Variants in RABGEF1 observed in about 807,000 individuals in gnomAD.
The protein encoded by RABGEF1 is RAB guanine nucleotide exchange factor 1.
RABGEF1 carries 26 observed loss-of-function variants against 57.3 expected under a neutral mutation model. The observed-to-expected ratio is 0.45, with a 90% CI of 0.33 to 0.63. The LOEUF is 0.63. Among genes scored for constraint, RABGEF1 ranks in the 20% least tolerant of loss-of-function variants. The probability of loss-of-function intolerance (pLI) is 0.02; values close to 1 mark genes in which losing one functional copy is unlikely to be tolerated. For synonymous variants in RABGEF1, 185 were observed against 210.7 expected, an observed-to-expected ratio of 0.88 and a Z score of 1.06; for missense variants, 464 against 607.6, an observed-to-expected ratio of 0.76 and a Z score of 2.48.
At chr7:66,742,813 C>T (rs938085090) in intron 1 of RABGEF1, among the ~76,000 whole-genome samples, 2 of 152,122 alleles carry the variant, frequency 1.3e-5, no homozygotes, top group African/African-American at 2.4e-5. Flanking sequence ...TGCTGTGTTG[C>T]CCTGGCTGAT....
intron 7 of RABGEF1, among the ~76,000 whole-genome samples, chr7:66,800,180 T>C (rs1786964211): frequency 6.6e-6 from 1 of 152,230 alleles, no homozygotes; most frequent in African/African-American, 2.4e-5. Flanking sequence ...TGTTGGAGGC[T>C]GGCCATCGAG....
rs1789321490 is a variant in RABGEF1, at chr7:66,810,608, T to G, written c.*1324T>G. The G allele has an allele frequency of 6.6e-6, 1 of 152,228 alleles. No individual in the cohort carries two copies. Among genetic ancestry groups the G allele is most frequent in the African/African-American group, 2.4e-5 (1 of 41,468 alleles). The allele number at this position is 152,228 out of a possible 1,614,324, so 9.4% of individuals were successfully genotyped here. A position where few individuals can be genotyped will look rare whatever the true frequency, so the allele number is the denominator to read the frequency against. ...TGACAGCTACCTGCATTGTAGAACC[T>G]TTTCTTATCTCAGTGGAACCTTCTA... On this transcript the variant is annotated 3_prime_UTR_variant, in exon 9 of 9. Coordinates refer to ENST00000284957, the MANE Select transcript of RABGEF1 (RefSeq NM_014504.3).
Position 66,809,289 on chromosome 7 carries a change from A to G in RABGEF1, c.*5A>G. On this transcript the variant is annotated 3_prime_UTR_variant, in exon 9 of 9. Coordinates refer to ENST00000284957, the MANE Select transcript of RABGEF1 (RefSeq NM_014504.3). ...CCTCAAGTTTATGCAGGATGATCAC[A>G]ATTTAGTGGAGAGTATTTATTTGAG... The G allele has an allele frequency of 6.3e-7, 1 of 1,598,586 alleles. No individual in the cohort carries two copies. The highest frequency in any genetic ancestry group is 8.5e-7 in the Non-Finnish European group (1 of 1,170,230).
At chr7:66,755,978 G>GC (rs2129071198) in intron 1 of RABGEF1, 1 of 1,088,458 alleles carries the variant, frequency 9.2e-7, no homozygotes, top group East Asian at 2.7e-5. Context: ...CATTTTGGAA[G>GC]CATTATATTT....
chr7:66,698,748 G>C (rs879444238), intron 1 of RABGEF1, among the ~76,000 whole-genome samples: 4 of 152,176 alleles, frequency 2.6e-5, no homozygotes, highest in African/African-American at 7.2e-5. Flanking sequence ...CTGAGTCTCA[G>C]TGTGGGTGGG....
chr7:66,715,587 T>C (rs1039991616), intron 2 of RABGEF1, among the ~76,000 whole-genome samples: 1 of 152,240 alleles, frequency 6.6e-6, no homozygotes, highest in Non-Finnish European at 1.5e-5. Flanking sequence ...TGTAGAAGTA[T>C]GTAGTTAATT....
intron 1 of RABGEF1, among the ~76,000 whole-genome samples, chr7:66,705,921 A>T (rs1160659977): frequency 1.0e-5 from 1 of 99,880 alleles, no homozygotes; most frequent in Non-Finnish European, 1.8e-5. Context: ...TTTGAGACGG[A>T]GTCTCGCTTT....
chr7:66,774,145 T>G (rs1052296736), intron 2 of RABGEF1, among the ~76,000 whole-genome samples: 6 of 152,262 alleles, frequency 3.9e-5, no homozygotes. Context: ...TTGATTTCTC[T>G]TTTATCTCCC....
At chr7:66,739,409 C>T (rs1420887141), upstream of RABGEF1, among the ~76,000 whole-genome samples, 1 of 151,052 alleles carries the variant, frequency 6.6e-6, no homozygotes, top group East Asian at 2.0e-4. Context: ...AATCCTAGCA[C>T]TTTGGGAAGC....
intron 1 of RABGEF1, 65 bp from the exon 2 acceptor site, chr7:66,771,818 A>G: frequency 8.2e-7 from 1 of 1,218,904 alleles, no homozygotes; most frequent in Non-Finnish European, 1.1e-6. Flanking sequence ...TTTTGTTCAT[A>G]ATTGGTAAGA....
chr7:66,686,472 C>T (rs923808345), intron 1 of RABGEF1, among the ~76,000 whole-genome samples: 65 of 152,186 alleles, frequency 4.3e-4, no homozygotes, highest in African/African-American at 1.4e-3. Flanking sequence ...ACCCTGTCTC[C>T]ATAAAAAGAA....
chr7:66,680,804 G>T (rs1306409105), upstream of RABGEF1, among the ~76,000 whole-genome samples: 1 of 152,040 alleles, frequency 6.6e-6, no homozygotes. Context: ...AAAATTAGCC[G>T]GGTGCGGAGG....
the RABGEF1 span, among the ~76,000 whole-genome samples, chr7:66,670,827 T>C: frequency 7.9e-5 from 12 of 151,896 alleles, no homozygotes; most frequent in African/African-American, 2.9e-4. Context: ...GCCTGGGTGA[T>C]AGAGCAAGAT....
chr7:66,754,192 C>T (rs80289808), intron 1 of RABGEF1, among the ~76,000 whole-genome samples: 4,667 of 146,812 alleles, frequency 0.032, 201 homozygotes, highest in East Asian at 0.21. Flanking sequence ...TTAGTAGAGA[C>T]GGGGTTTCAC....
At chr7:66,773,553 G>C (rs62468261) in intron 2 of RABGEF1, 16,618 of 394,606 alleles carry the variant, frequency 0.042, 438 homozygotes, top group East Asian at 0.08. Context: ...TAGTGGCTTG[G>C]GAGTAAGACT....
At chr7:66,717,695 G>A (rs1795562560) in intron 2 of RABGEF1, among the ~76,000 whole-genome samples, 1 of 152,128 alleles carries the variant, frequency 6.6e-6, no homozygotes, top group African/African-American at 2.4e-5. Flanking sequence ...AAGTAGCTGA[G>A]ACTAAAGGTG....
intron 1 of RABGEF1, among the ~76,000 whole-genome samples, chr7:66,710,969 CCT>C (rs1277592109): frequency 1.3e-5 from 2 of 151,088 alleles, no homozygotes; most frequent in African/African-American, 4.9e-5. Flanking sequence ...ATAGCGAGAC[CCT>C]GTCACTACAA....
chr7:66,731,846 T>C lies in RABGEF1; in HGVS notation c.-814-8150T>C, dbSNP rs62466800. Reference sequence around the variant, plus strand: ...CATAGTGGAGAAACTGAGGCTCAGGTTTGGCAACTGCCCAAGGTGCACAGT... The same window carrying C: ...CATAGTGGAGAAACTGAGGCTCAGGCTTGGCAACTGCCCAAGGTGCACAGT... On this transcript the variant is annotated intron_variant and NMD_transcript_variant, in intron 2 of 9. Transcript: ENST00000607882. 4.6e-3 allele frequency among the ~76,000 whole-genome samples: 693 copies of C among 152,232 alleles called. 3 individuals are homozygous for C. The highest frequency in any genetic ancestry group is 6.3e-3 in the Non-Finnish European group (431 of 68,008).
intron 1 of RABGEF1, among the ~76,000 whole-genome samples, chr7:66,766,868 G>A (rs1346767716): frequency 1.3e-5 from 2 of 151,738 alleles, no homozygotes; most frequent in African/African-American, 2.4e-5. Context: ...GGGATTACAG[G>A]CAAGCGCCAC....
Sources: allele counts gnomAD v4.1 joint callset (sites outside exome capture counted in the v4.1 genomes callset), GRCh38; gene constraint gnomAD v4.1.1; transcripts MANE v1.5; gene names NCBI Gene and HGNC (gene_info 2026-07-23, HGNC 2026-07-21).